GSG1L: variants seen among roughly 807,000 people sequenced by gnomAD.
The protein encoded by GSG1L is GSG1 like, also known as germ cell-specific gene 1-like protein.
Under a neutral mutation model 42.1 loss-of-function variants are expected in GSG1L, and 24 were observed. The ratio of observed to expected loss-of-function variants is 0.57; its 90% CI spans 0.41 to 0.80. The LOEUF (loss-of-function observed/expected upper bound fraction) is 0.80. Ranked by LOEUF, GSG1L falls within the 30% of genes least tolerant of loss-of-function variation. GSG1L has a pLI of 0.00. For synonymous variants in GSG1L, 215 were observed against 203.5 expected (o/e 1.06, Z -0.48); for missense variants, 445 against 472.2 (o/e 0.94, Z 0.53).
intron 3 of GSG1L, among the ~76,000 whole-genome samples, chr16:27,851,525 C>T (rs1442357841): frequency 6.6e-6 from 1 of 152,134 alleles, no homozygotes; most frequent in Non-Finnish European, 1.5e-5. Context: ...ATTCACCCCC[C>T]TTCTCTCCAG....
At chr16:27,866,463 G>C (rs992921455) in intron 3 of GSG1L, among the ~76,000 whole-genome samples, 1 of 152,206 alleles carries the variant, frequency 6.6e-6, no homozygotes, top group Non-Finnish European at 1.5e-5. Flanking sequence ...CTGAGGCTCA[G>C]AAAGATGGAA....
intron 2 of GSG1L, among the ~76,000 whole-genome samples, chr16:27,932,463 G>A (rs1250145471): frequency 6.6e-6 from 1 of 152,130 alleles, no homozygotes; most frequent in Non-Finnish European, 1.5e-5. Context: ...ATAGCAAAAG[G>A]CAAAGGGGAA....
At chr16:27,899,612 G>C (rs370208469) in intron 2 of GSG1L, among the ~76,000 whole-genome samples, 5 of 152,180 alleles carry the variant, frequency 3.3e-5, no homozygotes, top group African/African-American at 1.2e-4. Context: ...AGCCACTCAG[G>C]AGGCTGAAGC....
intron 2 of GSG1L, among the ~76,000 whole-genome samples, chr16:27,931,720 G>C (rs1348418316): frequency 6.6e-6 from 1 of 152,142 alleles, no homozygotes; most frequent in Non-Finnish European, 1.5e-5. Flanking sequence ...GATGCACACA[G>C]GTCCTTAGGA....
chr16:27,983,758 G>A (rs2141128037), intron 1 of GSG1L, among the ~76,000 whole-genome samples: 2 of 152,242 alleles, frequency 1.3e-5, no homozygotes, highest in South Asian at 4.1e-4. Context: ...ATCAAAATGG[G>A]GGGCAGGGAT....
intron 6 of GSG1L, among the ~76,000 whole-genome samples, chr16:27,800,925 G>A (rs534736985): frequency 8.5e-5 from 13 of 152,090 alleles, no homozygotes; most frequent in Non-Finnish European, 1.3e-4. Context: ...AGATCATTTC[G>A]GAGAGGGACA....
At chr16:28,016,376 T>C (rs1204735617) in intron 1 of GSG1L, among the ~76,000 whole-genome samples, 1 of 152,196 alleles carries the variant, frequency 6.6e-6, no homozygotes, top group Non-Finnish European at 1.5e-5. Flanking sequence ...AGGAAGCAGA[T>C]GCTGAGGGTT....
At chr16:27,987,527 C>T (rs1325706103) in intron 1 of GSG1L, among the ~76,000 whole-genome samples, 2 of 152,212 alleles carry the variant, frequency 1.3e-5, no homozygotes, top group Non-Finnish European at 2.9e-5. Flanking sequence ...CTTCACAGCT[C>T]TGTCCTCTGC....
intron 1 of GSG1L, among the ~76,000 whole-genome samples, chr16:28,007,782 C>T (rs1295482889): frequency 6.6e-6 from 1 of 152,034 alleles, no homozygotes; most frequent in Non-Finnish European, 1.5e-5. Context: ...TCCCAAAGTG[C>T]TGGGATGACA....
At chr16:27,991,594 G>A (rs904477714) in intron 1 of GSG1L, among the ~76,000 whole-genome samples, 2 of 151,780 alleles carry the variant, frequency 1.3e-5, no homozygotes, top group Admixed American at 6.6e-5. Context: ...TAGTAGACAC[G>A]AGGTTTCGCC....
At chr16:28,054,781 A>C (rs2086261103) in intron 1 of GSG1L, among the ~76,000 whole-genome samples, 1 of 152,212 alleles carries the variant, frequency 6.6e-6, no homozygotes, top group East Asian at 1.9e-4. Context: ...GGGTCTACCC[A>C]CCCCTCGAAA....
chr16:27,975,657 A>C (rs1469251282), intron 1 of GSG1L, among the ~76,000 whole-genome samples: 1 of 152,200 alleles, frequency 6.6e-6, no homozygotes. Context: ...TTCATATTCT[A>C]TCTCTCTATC....
chr16:27,929,302 G>A lies in GSG1L; in HGVS notation c.397+33854C>T, dbSNP rs1429281471. On this transcript the variant is annotated intron_variant, in intron 2 of 6. Coordinates refer to ENST00000447459, the MANE Select transcript of GSG1L (RefSeq NM_001109763.2). ...CCCAACCCTCGGTCCTGATGGTTTG[G>A]GATTGGTCTTGCTCCTAGACCCGGG... Among the ~76,000 whole-genome samples the A allele has an allele frequency of 2.6e-5, 4 of 152,132 alleles. No individual in the cohort carries two copies. The East Asian group carries it at 7.7e-4, about 29-fold the overall frequency.
intron 3 of GSG1L, among the ~76,000 whole-genome samples, chr16:27,847,909 A>G (rs1480778030): frequency 6.6e-6 from 1 of 152,148 alleles, no homozygotes; most frequent in African/African-American, 2.4e-5. Context: ...GAGCCAATTA[A>G]ACCTCCTTTC....
chr16:27,859,227 C>T (rs1009058764), intron 3 of GSG1L, among the ~76,000 whole-genome samples: 1 of 152,124 alleles, frequency 6.6e-6, no homozygotes, highest in Non-Finnish European at 1.5e-5. Context: ...CTCTAGGGGG[C>T]GCTCATAGAG....
intron 1 of GSG1L, among the ~76,000 whole-genome samples, chr16:28,032,738 G>C (rs1158513844): frequency 6.6e-6 from 1 of 152,112 alleles, no homozygotes; most frequent in Admixed American, 6.6e-5. Flanking sequence ...TCTAGGAGTT[G>C]TCCAAAATGC....
rs2084008008 is a variant in GSG1L, at chr16:27,884,707, C to T, written c.398-69G>A. 6 of 1,426,066 alleles carry T rather than the reference C, an allele frequency of 4.2e-6. No individual in the cohort carries two copies. The African/African-American group carries it at 8.5e-5, about 20-fold the overall frequency. 88.3% of individuals were successfully genotyped at this position (1,426,066 alleles called of 1,614,324 possible). Reference sequence around the variant, plus strand: ...AAGATAGACTCACCCTGTGCCTATTCCTCCCACAACAGCAGAGGGTAGCAA... The same window carrying T: ...AAGATAGACTCACCCTGTGCCTATTTCTCCCACAACAGCAGAGGGTAGCAA... On this transcript the variant is annotated intron_variant, in intron 2 of 6. Coordinates refer to ENST00000447459, the MANE Select transcript of GSG1L (RefSeq NM_001109763.2). The surrounding 1 kb of genome is among the most constrained non-coding windows in gnomAD (Gnocchi z 4.4).
chr16:27,819,625 G>A (rs887882770), intron 5 of GSG1L, among the ~76,000 whole-genome samples: 19 of 152,240 alleles, frequency 1.2e-4, no homozygotes, highest in Non-Finnish European at 5.9e-5. Context: ...GAGCTGCACA[G>A]GCCGGAACAT....
At chr16:27,906,908 T>C (rs1429635211) in intron 2 of GSG1L, among the ~76,000 whole-genome samples, 1 of 152,002 alleles carries the variant, frequency 6.6e-6, no homozygotes, top group Non-Finnish European at 1.5e-5. Context: ...CCACCTCCAC[T>C]GCCCCTCCTG....
Sources: gnomAD v4.1 joint callset for allele counts (sites outside exome capture counted in the v4.1 genomes callset) on GRCh38, gnomAD v4.1.1 for gene constraint, Gnocchi (gnomAD v3.1) non-coding constraint, MANE v1.5 for transcripts, NCBI Gene and HGNC (gene_info 2026-07-23, HGNC 2026-07-21) for gene names.